SLC45A2: variants seen among roughly 807,000 people sequenced by gnomAD.
SLC45A2 encodes the protein solute carrier family 45 member 2, also known as membrane-associated transporter protein.
Under a neutral mutation model 45.5 loss-of-function variants are expected in SLC45A2, and 36 were observed. The observed-to-expected ratio is 0.79, with a 90% CI of 0.61 to 1.04. The LOEUF (loss-of-function observed/expected upper bound fraction) is 1.04, where lower values mean the gene tolerates loss of function less well. Ranked by LOEUF, SLC45A2 falls within the 50% of genes least tolerant of loss-of-function variation. The probability of loss-of-function intolerance (pLI) is 0.00; values close to 1 mark genes in which losing one functional copy is unlikely to be tolerated. For synonymous variants in SLC45A2, 306 were observed against 269.3 expected (o/e 1.14, Z -1.33); for missense variants, 719 against 671.0 (o/e 1.07, Z -0.79).
At chr5:33,957,613 A>C (rs542937880) in intron 3 of SLC45A2, among the ~76,000 whole-genome samples, 1 of 152,298 alleles carries the variant, frequency 6.6e-6, no homozygotes, top group East Asian at 1.9e-4. Flanking sequence ...AACCAAAATG[A>C]AGTGCAGAAT....
intron 2 of SLC45A2, among the ~76,000 whole-genome samples, chr5:33,978,841 T>C (rs1364591573): frequency 6.6e-6 from 1 of 152,242 alleles, no homozygotes; most frequent in Non-Finnish European, 1.5e-5. Context: ...CATTCATATT[T>C]GGCTCAGAAT....
chr5:33,945,187 T>C (rs115579256), intron 6 of SLC45A2, among the ~76,000 whole-genome samples: 4 of 152,374 alleles, frequency 2.6e-5, no homozygotes, highest in African/African-American at 7.2e-5. Flanking sequence ...TTTTCACCTG[T>C]CACAAGATAT....
rs148480891 is a variant in SLC45A2 at position 33,954,501 on chromosome 5, G to A, written c.892C>T (p.Arg298Cys). 3.5e-5 allele frequency: 57 copies of A among 1,613,678 alleles called. No homozygotes were observed. The highest frequency in any genetic ancestry group is 1.6e-4 in the African/African-American group (12 of 74,914). ...AKNKNHAEQT[R>C]RAMTLKSLLR... ...AGTGACTTTAATGTCATTGCCCTGC[G>A]AGTCTGAAATAAAACATGAAACAGA... is the stretch of plus-strand genomic sequence containing the variant. Residue 298 changes from arginine to cysteine, a missense_variant, in exon 4 of 7, where the codon CGC (arginine) becomes TGC (cysteine). Arg to Cys is a radical substitution (Grantham distance 180). Coordinates refer to ENST00000296589, the MANE Select transcript of SLC45A2 (RefSeq NM_016180.5).
intron 1 of SLC45A2, among the ~76,000 whole-genome samples, chr5:33,983,920 C>T (rs559494333): frequency 1.1e-3 from 171 of 152,166 alleles, no homozygotes; most frequent in Non-Finnish European, 2.0e-3. Flanking sequence ...ATATTCAATT[C>T]GATAAAATAG....
chr5:33,954,620 C>T (rs1752222646), intron 3 of SLC45A2, 116 bp from the exon 4 acceptor site: 2 of 1,439,450 alleles, frequency 1.4e-6, no homozygotes, highest in Admixed American at 1.9e-5. Flanking sequence ...CACAAAGTGT[C>T]ACTTTTCCTG....
At chr5:33,980,451 C>T (rs957410132) in intron 2 of SLC45A2, among the ~76,000 whole-genome samples, 5 of 152,252 alleles carry the variant, frequency 3.3e-5, no homozygotes, top group African/African-American at 1.2e-4. Context: ...CAAGGCTCAG[C>T]TTCCACATCT....
chr5:33,976,556 G>A (rs1752935175), intron 2 of SLC45A2, among the ~76,000 whole-genome samples: 1 of 152,122 alleles, frequency 6.6e-6, no homozygotes, highest in Non-Finnish European at 1.5e-5. Context: ...GCCACCAACT[G>A]CCCCTCCCTC....
rs770692552 is a variant in SLC45A2 at position 33,947,337 on chromosome 5, C to G, written c.1194G>C (p.Lys398Asn). The change falls in exon 6 of 7, where the codon AAG becomes AAC. Residue 398 changes from lysine (K) to asparagine (N), a missense_variant. Coordinates refer to ENST00000296589, the MANE Select transcript of SLC45A2 (RefSeq NM_016180.5). Reference sequence around the variant, plus strand: ...GCAAATATCCCGTGAAGTAAAGACCCTTTAATCCAATGTAGGATACCAAAA... The same window carrying G: ...GCAAATATCCCGTGAAGTAAAGACCGTTTAATCCAATGTAGGATACCAAAA... Reference protein sequence around the residue: ...QKVLVSYIGLKGLYFTGYLLF... With the variant: ...QKVLVSYIGLNGLYFTGYLLF... 6 of 1,614,230 alleles carry G rather than the reference C, an allele frequency of 3.7e-6. No individual in the cohort carries two copies. Among genetic ancestry groups the G allele is most frequent in the Non-Finnish European group, 5.1e-6 (6 of 1,180,048 alleles).
intron 2 of SLC45A2, among the ~76,000 whole-genome samples, chr5:33,968,647 C>CA (rs2067350): frequency 0.2 from 30,959 of 152,164 alleles, 4,153 homozygotes; most frequent in East Asian, 0.62. Context: ...CTTTAGTCCA[C>CA]AACTATGACA....
At chr5:33,981,051 A>G (rs1442196091) in intron 2 of SLC45A2, among the ~76,000 whole-genome samples, 1 of 152,110 alleles carries the variant, frequency 6.6e-6, no homozygotes, top group Non-Finnish European at 1.5e-5. Context: ...ACACACGTGG[A>G]AAGTGCAGTG....
At chr5:33,966,036 T>C (rs1752592760) in intron 2 of SLC45A2, among the ~76,000 whole-genome samples, 1 of 152,220 alleles carries the variant, frequency 6.6e-6, no homozygotes. Context: ...CAAATTTTTG[T>C]TCAACTGAGC....
intron 6 of SLC45A2, among the ~76,000 whole-genome samples, chr5:33,945,452 T>C (rs1187753985): frequency 2.0e-5 from 3 of 152,226 alleles, no homozygotes; most frequent in Non-Finnish European, 4.4e-5. Context: ...ACTTGATTAA[T>C]ATAATAATGT....
chr5:33,984,602 C>G lies in SLC45A2; in HGVS notation c.-19G>C, dbSNP rs200865511. ...TACCCATGGCCACTGGGAGAGGAAC[C>G]TTCCTGCGAGCCCACCACCTCCTGC... On this transcript the variant is annotated 5_prime_UTR_variant, in exon 1 of 7. Coordinates refer to ENST00000296589, the MANE Select transcript of SLC45A2 (RefSeq NM_016180.5). 5.0e-6 allele frequency: 8 copies of G among 1,606,732 alleles called. No homozygotes were observed. The highest frequency in any genetic ancestry group is 2.2e-5 in the East Asian group (1 of 44,882).
intron 2 of SLC45A2, among the ~76,000 whole-genome samples, chr5:33,977,307 C>T (rs1752957637): frequency 6.6e-6 from 1 of 152,150 alleles, no homozygotes; most frequent in Non-Finnish European, 1.5e-5. Context: ...CCCAAACAGA[C>T]CATAAAGGCC....
chr5:33,950,102 C>T (rs1241543800), intron 5 of SLC45A2, among the ~76,000 whole-genome samples: 1 of 151,954 alleles, frequency 6.6e-6, no homozygotes, highest in Non-Finnish European at 1.5e-5. Context: ...AGGGCTGGGA[C>T]TTGCTTGAGC....
chr5:33,961,475 T>G (rs1281162306), intron 3 of SLC45A2, among the ~76,000 whole-genome samples: 1 of 152,202 alleles, frequency 6.6e-6, no homozygotes, highest in Non-Finnish European at 1.5e-5. Flanking sequence ...AAAAAATTTT[T>G]TATGTCTGTG....
Position 33,947,213 on chromosome 5 carries a change from T to C in SLC45A2, c.1318A>G (p.Thr440Ala), listed in dbSNP as rs762539147. 3.1e-6 allele frequency: 5 copies of C among 1,614,102 alleles called. No homozygotes were observed. In the East Asian group the frequency reaches 1.1e-4, roughly 36 times the overall value. Reference protein sequence around the residue: ...LFGVMSSTLYTVPFNLITEYH... With the variant: ...LFGVMSSTLYAVPFNLITEYH... ...TCAGTAATGAGGTTAAAGGGCACAG[T>C]GTACAGGGTGCTGGACATTACACCA... The change falls in exon 6 of 7, where the codon ACT becomes GCT. Residue 440 changes from threonine (T) to alanine (A), a missense_variant. Thr to Ala is a moderately conservative substitution (Grantham distance 58). Coordinates refer to ENST00000296589, the MANE Select transcript of SLC45A2 (RefSeq NM_016180.5).
At chr5:33,981,834 C>T (rs557552210) in intron 2 of SLC45A2, among the ~76,000 whole-genome samples, 3 of 152,302 alleles carry the variant, frequency 2.0e-5, no homozygotes, top group East Asian at 3.9e-4. Context: ...CTGGGCCCCG[C>T]CTTAGACTCA....
chr5:33,947,391 G>A lies in SLC45A2; in HGVS notation c.1157-17C>T, dbSNP rs1219631299. On this transcript the variant is annotated splice_polypyrimidine_tract_variant and intron_variant, in intron 5 of 6. Coordinates refer to ENST00000296589, the MANE Select transcript of SLC45A2 (RefSeq NM_016180.5). ...TCTGAAAGTCTGTGGGAAGAAGAGA[G>A]GGAGAAATTACAGCTGGCAGTGCCT... 2 of 1,608,536 alleles carry A rather than the reference G, an allele frequency of 1.2e-6. No homozygotes were observed. The highest frequency in any genetic ancestry group is 1.7e-5 in the Admixed American group (1 of 60,016).
Sources: gnomAD v4.1 joint callset for allele counts (sites outside exome capture counted in the v4.1 genomes callset) on GRCh38, gnomAD v4.1.1 for gene constraint, MANE v1.5 for transcripts, NCBI Gene and HGNC (gene_info 2026-07-23, HGNC 2026-07-21) for gene names.